Variants in COX16 observed in about 807,000 individuals in gnomAD.
The protein encoded by COX16 is cytochrome c oxidase assembly protein COX16 homolog, mitochondrial.
A neutral mutation model predicts 15.4 loss-of-function variants in COX16; 12 were observed. The observed-to-expected ratio is 0.78, with a 90% CI of 0.50 to 1.26. The LOEUF is 1.26. Ranked by LOEUF, COX16 falls within the 50% of genes most tolerant of loss-of-function variation. The pLI is 0.00. For missense variants in COX16, 124 were observed against 127.6 expected, an observed-to-expected ratio of 0.97 and a Z score of 0.14; for synonymous variants, 46 against 41.1, an observed-to-expected ratio of 1.12 and a Z score of -0.46.
intron 2 of COX16, 98 bp downstream of exon 2, chr14:70,342,560 G>C: frequency 8.5e-7 from 1 of 1,170,512 alleles, no homozygotes; most frequent in South Asian, 2.2e-5. Flanking sequence ...TGAAAAGCAA[G>C]ACAAACTCAG....
chr14:70,336,500 A>G (rs1440692204), intron 2 of COX16, among the ~76,000 whole-genome samples: 3 of 152,024 alleles, frequency 2.0e-5, no homozygotes, highest in Non-Finnish European at 4.4e-5. Context: ...GTTTCACAAC[A>G]AAACAACTTA....
intron 1 of COX16, among the ~76,000 whole-genome samples, chr14:70,350,219 C>G (rs74065319): frequency 0.015 from 2,334 of 152,252 alleles, 33 homozygotes; most frequent in South Asian, 0.035. Context: ...ATAGCAGAAG[C>G]AGGAAGAGAG....
At chr14:70,355,947 C>G (rs1039019861) in intron 1 of COX16, among the ~76,000 whole-genome samples, 2 of 152,116 alleles carry the variant, frequency 1.3e-5, no homozygotes, top group African/African-American at 4.8e-5. Flanking sequence ...TCCCTCCCCT[C>G]TCTCTTGGCA....
At chr14:70,332,749 T>C (rs7160880) in intron 2 of COX16, among the ~76,000 whole-genome samples, 116,598 of 152,134 alleles carry the variant, frequency 0.77, 44,864 homozygotes, top group East Asian at 0.93. Context: ...TCATCAGCCT[T>C]CCCACAGCAG....
At chr14:70,343,709 T>C (rs1167716140) in intron 1 of COX16, among the ~76,000 whole-genome samples, 1 of 152,242 alleles carries the variant, frequency 6.6e-6, no homozygotes, top group Non-Finnish European at 1.5e-5. Context: ...AGAATCACTT[T>C]CATGTTTTTG....
At chr14:70,341,063 AATT>A (rs1162990813) in intron 2 of COX16, among the ~76,000 whole-genome samples, 1 of 152,160 alleles carries the variant, frequency 6.6e-6, no homozygotes, top group Non-Finnish European at 1.5e-5. Context: ...ACCACTATTC[AATT>A]ATTTTTCAAA....
intron 1 of COX16, among the ~76,000 whole-genome samples, chr14:70,344,706 C>T (rs1162263680): frequency 1.3e-5 from 2 of 152,174 alleles, no homozygotes; most frequent in Admixed American, 6.5e-5. Context: ...CTCATCCCTT[C>T]TCAGGCCCAG....
At chr14:70,359,468 C>T (rs536692980) in intron 1 of COX16, 51 bp downstream of exon 1, 2 of 1,515,768 alleles carry the variant, frequency 1.3e-6, no homozygotes, top group Admixed American at 1.7e-5. Context: ...CTTGATCCTG[C>T]CAAGGAGGAG....
chr14:70,338,113 T>C (rs992688449), intron 2 of COX16, among the ~76,000 whole-genome samples: 2 of 152,208 alleles, frequency 1.3e-5, no homozygotes, highest in Non-Finnish European at 1.5e-5. Flanking sequence ...ATTTGGCTTT[T>C]TGGGTCTCTT....
chr14:70,332,474 C>T (rs1886320353), intron 2 of COX16, among the ~76,000 whole-genome samples: 2 of 152,216 alleles, frequency 1.3e-5, no homozygotes, highest in African/African-American at 4.8e-5. Flanking sequence ...CTCTAGCCTC[C>T]AGGCCACAGC....
chr14:70,340,816 T>C (rs1886602810), intron 2 of COX16, among the ~76,000 whole-genome samples: 1 of 152,230 alleles, frequency 6.6e-6, no homozygotes, highest in Non-Finnish European at 1.5e-5. Context: ...TTCCTACTCA[T>C]TCTTAAAGCC....
chr14:70,359,494 G>A (rs1887234357), intron 1 of COX16, 25 bp downstream of exon 1: 1 of 1,606,802 alleles, frequency 6.2e-7, no homozygotes, highest in Non-Finnish European at 8.5e-7. Flanking sequence ...CACCCCTTGC[G>A]GAAGATCCTC....
At chr14:70,359,492 G>T in intron 1 of COX16, 27 bp downstream of exon 1, 2 of 1,603,856 alleles carry the variant, frequency 1.2e-6, no homozygotes, top group Non-Finnish European at 1.7e-6. Flanking sequence ...CCCACCCCTT[G>T]CGGAAGATCC....
intron 3 of COX16, 39 bp from the exon 4 acceptor site, chr14:70,326,488 TAAG>T (rs748007227): frequency 6.8e-7 from 1 of 1,480,282 alleles, no homozygotes; most frequent in Non-Finnish European, 9.0e-7. Context: ...AATATTAGTA[TAAG>T]AGCCTGTGGC....
chr14:70,334,519 AAATAAAT>A (rs1261538742), intron 2 of COX16, among the ~76,000 whole-genome samples: 1 of 152,212 alleles, frequency 6.6e-6, no homozygotes, highest in African/African-American at 2.4e-5. Context: ...TCCATCTCAA[AAATAAAT>A]AAATTGTAAC....
rs568670806 is a variant in COX16 at position 70,358,438 on chromosome 14, C to T, written c.69+1081G>A. Among the ~76,000 whole-genome samples the T allele has an allele frequency of 6.0e-5, 8 of 133,284 alleles. No homozygotes were observed. The South Asian group carries it at 7.1e-4, about 12-fold the overall frequency. The allele number at this position is 133,284 out of a possible 152,430, so 87.4% of individuals were successfully genotyped here. On this transcript the variant is annotated intron_variant, in intron 1 of 3. Coordinates refer to ENST00000389912, the MANE Select transcript of COX16 (RefSeq NM_016468.7). ...CTGGTTTGGAACTCCTGACCTAAAG[C>T]GATCCTCCTGTCTTGGCTTCCCCTA...
intron 1 of COX16, among the ~76,000 whole-genome samples, chr14:70,350,196 G>A (rs1436966025): frequency 1.3e-5 from 2 of 152,162 alleles, no homozygotes; most frequent in Admixed American, 6.5e-5. Flanking sequence ...CGCCAGCAGG[G>A]TGCGCCAGGA....
At chr14:70,353,465 T>C (rs999215242) in intron 1 of COX16, among the ~76,000 whole-genome samples, 8 of 146,642 alleles carry the variant, frequency 5.5e-5, no homozygotes, top group African/African-American at 2.0e-4. Context: ...TATATAAATA[T>C]ATATATATAC....
chr14:70,330,528 A>G (rs1886249937), intron 2 of COX16, among the ~76,000 whole-genome samples: 1 of 152,236 alleles, frequency 6.6e-6, no homozygotes, highest in Non-Finnish European at 1.5e-5. Flanking sequence ...GAAAATAAAA[A>G]TAACAGGCCA....
Sources: allele counts gnomAD v4.1 joint callset (sites outside exome capture counted in the v4.1 genomes callset), GRCh38; gene constraint gnomAD v4.1.1; transcripts MANE v1.5; gene names NCBI Gene and HGNC (gene_info 2026-07-23, HGNC 2026-07-21).